The following KDM5B variants were observed in gnomAD, a reference collection of about 807,000 sequenced individuals.
KDM5B encodes the protein lysine-specific demethylase 5B.
In KDM5B, 144 loss-of-function variants were observed where a neutral mutation model predicts 193.4. That is an observed-to-expected ratio of 0.74 (90% CI 0.65 to 0.86). KDM5B has a LOEUF of 0.86. Ranked by LOEUF, KDM5B falls within the 40% of genes least tolerant of loss-of-function variation. KDM5B has a pLI of 0.00. For synonymous variants in KDM5B, 668 were observed against 682.6 expected, an observed-to-expected ratio of 0.98 and a Z score of 0.33; for missense variants, 1,833 against 1,886.9, an observed-to-expected ratio of 0.97 and a Z score of 0.53.
intron 11 of KDM5B, among the ~76,000 whole-genome samples, chr1:202,753,456 T>C (rs1267108471): frequency 2.0e-5 from 3 of 151,930 alleles, no homozygotes; most frequent in East Asian, 1.9e-4. Flanking sequence ...GATCACACCA[T>C]TGCATTCCTG....
chr1:202,729,373 C>T (rs1437699220), intron 26 of KDM5B, 200 bp from the exon 27 acceptor site: 8 of 642,094 alleles, frequency 1.2e-5, no homozygotes, highest in African/African-American at 3.7e-5. Flanking sequence ...TTCTTCAAGT[C>T]GTGTCTGCTT....
rs565577724 is a variant in KDM5B at position 202,808,415 on chromosome 1, G to A, written c.-110C>T. On this transcript the variant is annotated 5_prime_UTR_variant, in exon 1 of 27. Coordinates refer to ENST00000367265, the MANE Select transcript of KDM5B (RefSeq NM_006618.5). ...GCGGCTCGAGCAACAGCAAGTCCGA[G>A]TTGTACGGGCAACGGCAGCACCTTG... 342 of 992,100 alleles carry A rather than the reference G, an allele frequency of 3.4e-4. 1 individual carries two copies. The South Asian group carries it at 3.6e-3, about 10-fold the overall frequency. 61.5% of individuals were successfully genotyped at this position (992,100 alleles called of 1,614,324 possible).
In KDM5B at chr1:202,808,268, G is replaced by C; in HGVS notation, c.38C>G (p.Pro13Arg). 1.2e-6 allele frequency: 2 copies of C among 1,608,946 alleles called. No individual in the cohort carries two copies. The highest frequency in any genetic ancestry group is 1.7e-6 in the Non-Finnish European group (2 of 1,178,326). ...AATTLHPGPRPALPLGGPGPL... is the reference protein window; with the variant it reads ...AATTLHPGPRRALPLGGPGPL... ...GCCCGGGCCCCCGAGGGGCAGCGCC[G>C]GGCGCGGGCCTGGGTGCAGTGTGGT... The change falls in exon 1 of 27, where the codon CCG (proline) becomes CGG (arginine). Residue 13 changes from proline (P) to arginine (R), a missense_variant. Around this residue, in one of 3 missense-constraint regions of KDM5B, gnomAD observed 355 missense variants for 374.9 expected, o/e 0.95. Coordinates refer to ENST00000367265, the MANE Select transcript of KDM5B (RefSeq NM_006618.5).
chr1:202,785,816 C>T (rs1178367459), intron 1 of KDM5B, among the ~76,000 whole-genome samples: 2 of 150,358 alleles, frequency 1.3e-5, no homozygotes, highest in Non-Finnish European at 1.5e-5. Flanking sequence ...AGGCAGAGCA[C>T]GAGAATTGCT....
At chr1:202,759,505 C>A (rs886864811) in intron 8 of KDM5B, among the ~76,000 whole-genome samples, 23 of 149,438 alleles carry the variant, frequency 1.5e-4, no homozygotes, top group Admixed American at 6.7e-4. Context: ...CACGCCACTG[C>A]ACTCCACTGT....
At chr1:202,732,589 TA>T (rs960531194) in intron 23 of KDM5B, among the ~76,000 whole-genome samples, 10 of 150,378 alleles carry the variant, frequency 6.6e-5, no homozygotes, top group African/African-American at 2.4e-4. Flanking sequence ...TGCAAAGAAA[TA>T]AAAAACCAAG....
chr1:202,804,468 G>A (rs1658203700), intron 1 of KDM5B, among the ~76,000 whole-genome samples: 1 of 152,126 alleles, frequency 6.6e-6, no homozygotes, highest in Non-Finnish European at 1.5e-5. Context: ...GGGAGTAAAT[G>A]AGCTCCATAT....
Position 202,736,348 on chromosome 1 carries a change from A to G in KDM5B, c.3129T>C (p.Val1043=), listed in dbSNP as rs1655095538. The change falls in exon 21 of 27, where the codon GTT becomes GTC. Residue 1043 remains valine (V), a synonymous_variant. Coordinates refer to ENST00000367265, the MANE Select transcript of KDM5B (RefSeq NM_006618.5). ...GTACGGGGATAGATCGGCCTCGTGT[A>G]ACAAGTTCTATGAGTGTGTCTAACA... The part of the protein sequence containing the change: ...VPVLDTLIEL[V]TRGRSIPVHL... 1 of 1,611,678 alleles carries G rather than the reference A, an allele frequency of 6.2e-7. No individual in the cohort carries two copies. The highest frequency in any genetic ancestry group is 8.5e-7 in the Non-Finnish European group (1 of 1,178,840).
chr1:202,804,929 C>T (rs1180883514), intron 1 of KDM5B, among the ~76,000 whole-genome samples: 1 of 150,264 alleles, frequency 6.7e-6, no homozygotes, highest in African/African-American at 2.4e-5. Flanking sequence ...CATTTGAAAG[C>T]AAGAAAATAA....
chr1:202,745,850 T>C lies in KDM5B; in HGVS notation c.2323+8A>G. On this transcript the variant is annotated splice_region_variant and intron_variant, in intron 16 of 26. Coordinates refer to ENST00000367265, the MANE Select transcript of KDM5B (RefSeq NM_006618.5). ...GCCAATCACCAAGTCACTTTCTGTATCACATACTTTTCTTCTTGTTGATCT... is the reference window on the plus strand; with the variant it reads ...GCCAATCACCAAGTCACTTTCTGTACCACATACTTTTCTTCTTGTTGATCT... The C allele has an allele frequency of 6.2e-7, 1 of 1,613,874 alleles. No individual in the cohort carries two copies. Among genetic ancestry groups the C allele is most frequent in the East Asian group, 2.2e-5 (1 of 44,860 alleles).
chr1:202,786,529 A>G lies in KDM5B; in HGVS notation c.205-9435T>C, dbSNP rs573896083. Among the ~76,000 whole-genome samples the G allele has an allele frequency of 2.0e-5, 3 of 152,316 alleles. No individual in the cohort carries two copies. The East Asian group carries it at 5.8e-4, about 29-fold the overall frequency. ...ATGATAGCAGTATTTCACATTTATTAGGTTGGTGCAAAAGTAATCACAGTT... is the reference window on the plus strand; with the variant it reads ...ATGATAGCAGTATTTCACATTTATTGGGTTGGTGCAAAAGTAATCACAGTT... On this transcript the variant is annotated intron_variant, in intron 1 of 26. Transcript: ENST00000367265.
At chr1:202,751,278 A>C (rs975906420) in intron 12 of KDM5B, among the ~76,000 whole-genome samples, 8 of 152,250 alleles carry the variant, frequency 5.3e-5, no homozygotes, top group African/African-American at 1.9e-4. Flanking sequence ...TGAGCTTATT[A>C]TTATATAATA....
At position 202,731,931 on chromosome 1, in the gene KDM5B, T is replaced by C. The variant is rs368594208; in HGVS notation, c.3918A>G (p.Gln1306=). Residue 1306 remains glutamine, a synonymous_variant, in exon 24 of 27, where the codon CAA becomes CAG. Coordinates refer to ENST00000367265, the MANE Select transcript of KDM5B (RefSeq NM_006618.5). ...GQVSDTNKVS[Q]PPGTTSFSLP... is the part of the protein sequence containing the mutation. ...AAGAAAATGATGTTGTGCCAGGAGG[T>C]TGAGATACCTAATGGAGGGAAAACG... 58 of 1,609,154 alleles carry C rather than the reference T, an allele frequency of 3.6e-5. No individual in the cohort carries two copies. The Middle Eastern group carries it at 4.9e-4, about 14-fold the overall frequency.
chr1:202,774,991 C>T (rs1558506569), intron 2 of KDM5B, among the ~76,000 whole-genome samples: 1 of 152,140 alleles, frequency 6.6e-6, no homozygotes, highest in African/African-American at 2.4e-5. Flanking sequence ...TCTGTAATCC[C>T]AGCACTTTGG....
At position 202,750,748 on chromosome 1, in the gene KDM5B, A is replaced by G. The variant is rs763399269; in HGVS notation, c.1732T>C (p.Phe578Leu). 2 of 1,613,946 alleles carry G rather than the reference A, an allele frequency of 1.2e-6. No individual in the cohort carries two copies. Among genetic ancestry groups the G allele is most frequent in the Non-Finnish European group, 8.5e-7 (1 of 1,179,878 alleles). ...TAGGCTCTTGGAAATGTAATCACAA[A>G]CTCCCCAGCACACTGATTAGTTCGG... ...VYRTNQCAGE[F>L]VITFPRAYHS... The change falls in exon 13 of 27, where the codon TTT becomes CTT. Residue 578 changes from phenylalanine to leucine, a missense_variant. This residue lies in a region of KDM5B where 1,379 missense variants were observed against 1,349.6 expected (regional missense o/e 1.02). Transcript: ENST00000367265.
rs536637151 is a variant in KDM5B, at chr1:202,760,318, AAAAAT to A, written c.1077+92_1077+96del. On this transcript the variant is annotated intron_variant, in intron 8 of 26. Transcript: ENST00000367265. ...GCAACAAAGTGAGTCCTTGTCTAAA[AAAAAT>A]AAAATAAAATAAAATAAAAAATAAA... The A allele has an allele frequency of 1.3e-3, 1,133 of 902,732 alleles. 4 individuals carry two copies. Among genetic ancestry groups the A allele is most frequent in the Non-Finnish European group, 1.7e-3 (1,047 of 613,670 alleles). The allele number at this position is 902,732 out of a possible 1,614,324, so 55.9% of individuals were successfully genotyped here.
At chr1:202,741,197 T>C (rs1257628946) in intron 19 of KDM5B, among the ~76,000 whole-genome samples, 170 bp downstream of exon 19, 1 of 152,232 alleles carries the variant, frequency 6.6e-6, no homozygotes, top group East Asian at 1.9e-4. Context: ...TAACATTCTT[T>C]TACTCAGGTC....
chr1:202,786,920 C>G (rs972221783), intron 1 of KDM5B, among the ~76,000 whole-genome samples: 4 of 152,090 alleles, frequency 2.6e-5, no homozygotes, highest in African/African-American at 9.7e-5. Context: ...ACCAGCCTGA[C>G]CAACATGGAG....
intron 1 of KDM5B, among the ~76,000 whole-genome samples, chr1:202,784,678 G>C (rs1558512433): frequency 6.6e-6 from 1 of 152,184 alleles, no homozygotes; most frequent in Non-Finnish European, 1.5e-5. Context: ...CCCTGATGGA[G>C]TCTAATTGCC....
Sources: allele counts gnomAD v4.1 joint callset (sites outside exome capture counted in the v4.1 genomes callset), GRCh38; gene constraint gnomAD v4.1.1; regional missense constraint gnomAD v4.1.1; transcripts MANE v1.5; gene names NCBI Gene and HGNC (gene_info 2026-07-23, HGNC 2026-07-21).